SLC5A5: variants seen among roughly 807,000 people sequenced by gnomAD.
The protein encoded by SLC5A5 is sodium/iodide cotransporter.
SLC5A5 carries 56 observed loss-of-function variants against 68.6 expected under a neutral mutation model. That is an observed-to-expected ratio of 0.82 (90% CI 0.66 to 1.02). SLC5A5 has a LOEUF of 1.02. SLC5A5 is among the 50% of genes least tolerant of loss of function. SLC5A5 has a pLI of 0.00. For synonymous variants in SLC5A5, 398 were observed against 373.0 expected, an observed-to-expected ratio of 1.07 and a Z score of -0.77; for missense variants, 807 against 859.8, an observed-to-expected ratio of 0.94 and a Z score of 0.77.
chr19:17,874,893 TG>T (rs1232091497), intron 4 of SLC5A5, among the ~76,000 whole-genome samples, 162 bp downstream of exon 4: 2 of 152,080 alleles, frequency 1.3e-5, no homozygotes, highest in Non-Finnish European at 2.9e-5. Flanking sequence ...AGCTTATTGC[TG>T]AGAATCTAGA....
chr19:17,883,745 T>A lies in SLC5A5; in HGVS notation c.1307T>A (p.Phe436Tyr). ...PLLGAFILGM[F>Y]LPACNTPGVL... Reference sequence around the variant, plus strand: ...CTGGGAGCCTTCATCTTGGGAATGTTCCTGCCGGCCTGCAACACACCGGTG... The same window carrying A: ...CTGGGAGCCTTCATCTTGGGAATGTACCTGCCGGCCTGCAACACACCGGTG... The change falls in exon 11 of 15, where the codon TTC (phenylalanine) becomes TAC (tyrosine). Residue 436 changes from phenylalanine (F) to tyrosine (Y), a missense_variant. Coordinates refer to ENST00000222248, the MANE Select transcript of SLC5A5 (RefSeq NM_000453.3). 1 of 1,506,162 alleles carries A rather than the reference T, an allele frequency of 6.6e-7. No homozygotes were observed. Among genetic ancestry groups the A allele is most frequent in the Non-Finnish European group, 8.9e-7 (1 of 1,117,322 alleles). 93.3% of individuals were successfully genotyped at this position (1,506,162 alleles called of 1,614,324 possible).
chr19:17,877,198 T>A (rs1483126134), intron 5 of SLC5A5, among the ~76,000 whole-genome samples: 5 of 151,788 alleles, frequency 3.3e-5, no homozygotes, highest in Non-Finnish European at 7.3e-5. Context: ...AAGAAAGGTT[T>A]TTAAGTGCGT....
At chr19:17,882,919 G>A (rs1342076842) in intron 10 of SLC5A5, among the ~76,000 whole-genome samples, 6 of 151,960 alleles carry the variant, frequency 3.9e-5, no homozygotes, top group Admixed American at 1.3e-4. Context: ...TCCTGACCTC[G>A]TGATCCGCCC....
intron 5 of SLC5A5, 46 bp downstream of exon 5, chr19:17,876,152 C>G: frequency 6.3e-7 from 1 of 1,599,570 alleles, no homozygotes; most frequent in Non-Finnish European, 8.6e-7. Context: ...GGGCTGGGAC[C>G]AGTGCGGTGG....
rs764878885 is a variant in SLC5A5 at position 17,883,751 on chromosome 19, C to T, written c.1313C>T (p.Pro438Leu). 6.7e-7 allele frequency: 1 copy of T among 1,483,342 alleles called. No individual in the cohort carries two copies. The allele number at this position is 1,483,342 out of a possible 1,614,324, so 91.9% of individuals were successfully genotyped here. A position where few individuals can be genotyped will look rare whatever the true frequency, so the allele number is the denominator to read the frequency against. Residue 438 changes from proline to leucine, a missense_variant, in exon 11 of 15, where the codon CCG becomes CTG. Transcript: ENST00000222248. ...LGAFILGMFL[P>L]ACNTPGVLAG... ...GCCTTCATCTTGGGAATGTTCCTGC[C>T]GGCCTGCAACACACCGGTGAGTGGG... is the stretch of plus-strand genomic sequence containing the variant.
intron 5 of SLC5A5, among the ~76,000 whole-genome samples, chr19:17,876,997 C>T (rs1427576594): frequency 6.6e-6 from 1 of 151,856 alleles, no homozygotes; most frequent in African/African-American, 2.4e-5. Flanking sequence ...CACCATTGCA[C>T]TCCAGCCTGG....
rs766500840 is a variant in SLC5A5, at chr19:17,883,874, G to A, written c.1354G>A (p.Gly452Ser). The A allele has an allele frequency of 1.3e-5, 20 of 1,584,194 alleles. No homozygotes were observed. Among genetic ancestry groups the A allele is most frequent in the Non-Finnish European group, 1.7e-5 (20 of 1,166,512 alleles). Reference protein sequence around the residue: ...TPGVLAGLGAGLALSLWVALG... With the variant: ...TPGVLAGLGASLALSLWVALG... ...GGGCGTCCTCGCGGGACTAGGCGCGGGCTTGGCGCTGTCGCTGTGGGTGGC... is the reference window on the plus strand; with the variant it reads ...GGGCGTCCTCGCGGGACTAGGCGCGAGCTTGGCGCTGTCGCTGTGGGTGGC... The change falls in exon 12 of 15, where the codon GGC (glycine) becomes AGC (serine). Residue 452 changes from glycine to serine, a missense_variant. Transcript: ENST00000222248.
Position 17,872,235 on chromosome 19 carries a change from G to A in SLC5A5, c.-85G>A. 4 of 366,888 alleles carry A rather than the reference G, an allele frequency of 1.1e-5. No homozygotes were observed. Among genetic ancestry groups the A allele is most frequent in the African/African-American group, 4.6e-5 (2 of 43,752 alleles). 22.7% of individuals were successfully genotyped at this position (366,888 alleles called of 1,614,324 possible). A position where few individuals can be genotyped will look rare whatever the true frequency, so the allele number is the denominator to read the frequency against. ...GAGCATCCTCCCACCCGCCCTCCCC[G>A]TCCTGCCTCCTCGGCCCCTGCCAGC... On this transcript the variant is annotated 5_prime_UTR_variant, in exon 1 of 15. Transcript: ENST00000222248.
intron 10 of SLC5A5, 107 bp downstream of exon 10, chr19:17,882,326 A>G: frequency 2.3e-6 from 2 of 870,474 alleles, no homozygotes; most frequent in South Asian, 2.9e-5. Context: ...CAGTGGCAGA[A>G]CTCACTTCTA....
Position 17,878,100 on chromosome 19 carries a change from C to T in SLC5A5, c.969+7C>T. On this transcript the variant is annotated splice_region_variant and intron_variant, in intron 7 of 14. Coordinates refer to ENST00000222248, the MANE Select transcript of SLC5A5 (RefSeq NM_000453.3). ...CATCTCTGCCCCAGACCAGGTGAGT[C>T]CCACCCAGGCTCCTGGTTGGCTCTG... 1 of 1,609,958 alleles carries T rather than the reference C, an allele frequency of 6.2e-7. No individual in the cohort carries two copies. Among genetic ancestry groups the T allele is most frequent in the Non-Finnish European group, 8.5e-7 (1 of 1,179,950 alleles).
intron 14 of SLC5A5, among the ~76,000 whole-genome samples, chr19:17,892,648 A>G (rs2030218032): frequency 1.7e-5 from 1 of 58,634 alleles, no homozygotes; most frequent in South Asian, 6.2e-4. Context: ...AAAGAAAGAA[A>G]AGACAGAGAG....
Position 17,877,855 on chromosome 19 carries a change from G to A in SLC5A5, c.831G>A (p.Gln277=), listed in dbSNP as rs2094311237. The A allele has an allele frequency of 1.9e-6, 3 of 1,614,226 alleles. No individual in the cohort carries two copies. The highest frequency in any genetic ancestry group is 2.5e-6 in the Non-Finnish European group (3 of 1,180,052). The change falls in exon 6 of 15, where the codon CAG becomes CAA. Residue 277 remains glutamine (Q), a synonymous_variant. Transcript: ENST00000222248. ...QRYVACRTEK[Q]AKLALLINQV... is the part of the protein sequence containing the mutation. ...ACGTGGCTTGCCGCACAGAGAAGCA[G>A]GCCAAGCTGTGAGTGTTTCGGGGAG...
intron 12 of SLC5A5, among the ~76,000 whole-genome samples, chr19:17,886,309 C>CT (rs34377658): frequency 0.28 from 35,353 of 128,554 alleles, 4,865 homozygotes; most frequent in African/African-American, 0.33. Flanking sequence ...AATTCTTTAA[C>CT]TTTTTTTTTT....
intron 7 of SLC5A5, among the ~76,000 whole-genome samples, chr19:17,878,494 G>A (rs1397669407): frequency 6.6e-6 from 1 of 151,244 alleles, no homozygotes; most frequent in African/African-American, 2.4e-5. Flanking sequence ...GACAGAGTGA[G>A]ACTCTGTCTC....
chr19:17,883,713 C>A lies in SLC5A5; in HGVS notation c.1275C>A (p.Gly425=), dbSNP rs144760671. 6.2e-7 allele frequency: 1 copy of A among 1,613,664 alleles called. No homozygotes were observed. The change falls in exon 11 of 15, where the codon GGC becomes GGA. Residue 425 remains glycine, a synonymous_variant. Coordinates refer to ENST00000222248, the MANE Select transcript of SLC5A5 (RefSeq NM_000453.3). ...TCACCGTCATGGGAGTCATCAGCGG[C>A]CCCCTGCTGGGAGCCTTCATCTTGG... ...GSFTVMGVIS[G]PLLGAFILGM...
rs2094296685 is a variant in SLC5A5, at chr19:17,872,478, C to A, written c.159C>A (p.Arg53=). Residue 53 remains arginine, a synonymous_variant, in exon 1 of 15, where the codon CGC becomes CGA. Transcript: ENST00000222248. ...SAEDFFTGGR[R]LAALPVGLSL... is the part of the protein sequence containing the mutation. ...AGGACTTCTTCACCGGGGGCCGGCG[C>A]CTGGCGGCCCTGCCCGTGGGCCTGT... 1 of 1,611,566 alleles carries A rather than the reference C, an allele frequency of 6.2e-7. No individual in the cohort carries two copies. The highest frequency in any genetic ancestry group is 8.5e-7 in the Non-Finnish European group (1 of 1,179,344).
At chr19:17,889,413 A>AGGAGGAAGGAAGGAAG (rs1555754783) in intron 13 of SLC5A5, among the ~76,000 whole-genome samples, 5 of 137,726 alleles carry the variant, frequency 3.6e-5, no homozygotes, top group Middle Eastern at 3.5e-3. Flanking sequence ...AAAGAAAGAA[A>AGGAGGAAGGAAGGAAG]GAAGGAAGGA....
chr19:17,878,687 T>C (rs934818848), intron 7 of SLC5A5, among the ~76,000 whole-genome samples: 1 of 151,388 alleles, frequency 6.6e-6, no homozygotes, highest in Non-Finnish European at 1.5e-5. Flanking sequence ...GATGAAACCA[T>C]GACCCAGGCC....
rs2094327597 is a variant in SLC5A5, at chr19:17,883,978, C to G, written c.1458C>G (p.Leu486=). Reference sequence around the variant, plus strand: ...CGTCGGCTGCCCGCTGCGTGGCTCTCTCAGTCAACGCCTCTGGCCTCCTGG... The same window carrying G: ...CGTCGGCTGCCCGCTGCGTGGCTCTGTCAGTCAACGCCTCTGGCCTCCTGG... ...LPSSAARCVA[L]SVNASGLLDP... Residue 486 remains leucine, a synonymous_variant, in exon 12 of 15, where the codon CTC becomes CTG. Transcript: ENST00000222248. 2 of 1,569,136 alleles carry G rather than the reference C, an allele frequency of 1.3e-6. No individual in the cohort carries two copies. The highest frequency in any genetic ancestry group is 8.6e-7 in the Non-Finnish European group (1 of 1,158,670).
Sources: allele counts gnomAD v4.1 joint callset (sites outside exome capture counted in the v4.1 genomes callset), GRCh38; gene constraint gnomAD v4.1.1; transcripts MANE v1.5; gene names NCBI Gene and HGNC (gene_info 2026-07-23, HGNC 2026-07-21).